Variants in KCNK16 observed in about 807,000 individuals in gnomAD.
KCNK16 encodes potassium two pore domain channel subfamily K member 16.
KCNK16 carries 23 observed loss-of-function variants against 23.0 expected under a neutral mutation model. The ratio of observed to expected loss-of-function variants is 1.00; its 90% CI spans 0.72 to 1.41. The LOEUF (loss-of-function observed/expected upper bound fraction) is 1.41, where lower values mean the gene tolerates loss of function less well. KCNK16 is among the 40% of genes most tolerant of loss of function. The pLI, the probability that KCNK16 is intolerant of heterozygous loss-of-function variation, is 0.00. For missense variants in KCNK16, 327 were observed against 365.8 expected (o/e 0.89, Z 0.87); for synonymous variants, 145 against 153.5 (o/e 0.94, Z 0.41).
At chr6:39,317,262 G>A (rs540601624) in intron 3 of KCNK16, among the ~76,000 whole-genome samples, 138 of 152,354 alleles carry the variant, frequency 9.1e-4, no homozygotes, top group Non-Finnish European at 1.4e-3. Context: ...AACTGTCTGC[G>A]TATTTCTGGC....
intron 1 of KCNK16, among the ~76,000 whole-genome samples, chr6:39,321,070 C>T (rs190169294): frequency 6.6e-6 from 1 of 152,290 alleles, no homozygotes; most frequent in Admixed American, 6.5e-5. Context: ...TCTTCTAGGC[C>T]AGCTGTTCTC....
intron 4 of KCNK16, 71 bp from the exon 5 acceptor site, chr6:39,316,513 C>T: frequency 6.7e-7 from 1 of 1,496,294 alleles, no homozygotes; most frequent in Non-Finnish European, 9.0e-7. Context: ...CCATAGGGAC[C>T]CTCACCAGCC....
intron 3 of KCNK16, 34 bp downstream of exon 3, chr6:39,317,752 C>T: frequency 1.3e-6 from 2 of 1,515,160 alleles, no homozygotes; most frequent in Non-Finnish European, 1.8e-6. Context: ...ACAGATCTGT[C>T]ACAGCAGGCC....
rs1246883062 is a variant in KCNK16, at chr6:39,319,737, G to A, written c.214-604C>T. On this transcript the variant is annotated intron_variant, in intron 1 of 4. Transcript: ENST00000437525. The surrounding 1 kb of genome is among the most constrained non-coding windows in gnomAD (Gnocchi z 4.2). The stretch of plus-strand genomic sequence containing the variant: ...TCTAACAGAGGCCAAGACAAAGGTG[G>A]CACGTGTGAGTGTGTGTGTGTGTGT... 7.3e-6 allele frequency among the ~76,000 whole-genome samples: 1 copy of A among 136,442 alleles called. No homozygotes were observed. The highest frequency in any genetic ancestry group is 2.9e-5 in the African/African-American group (1 of 34,744). 89.5% of individuals were successfully genotyped at this position (136,442 alleles called of 152,430 possible). A position where few individuals can be genotyped will look rare whatever the true frequency, so the allele number is the denominator to read the frequency against.
chr6:39,315,259 C>G, downstream of KCNK16: 1 of 1,601,248 alleles, frequency 6.2e-7, no homozygotes, highest in Non-Finnish European at 8.5e-7. Context: ...TGCAGTCTGG[C>G]AGGGGAAAGG....
chr6:39,322,632 A>C lies in KCNK16; in HGVS notation c.-92T>G. On this transcript the variant is annotated 5_prime_UTR_variant, in exon 1 of 5. Coordinates refer to ENST00000437525, the MANE Select transcript of KCNK16 (RefSeq NM_001135106.2). ...AGTAAGCACCTAGGGGCCTGTGCCCAGGCTGCCGCCTGCCCTGCCCTCCTC... is the reference window on the plus strand; with the variant it reads ...AGTAAGCACCTAGGGGCCTGTGCCCCGGCTGCCGCCTGCCCTGCCCTCCTC... The C allele has an allele frequency of 6.8e-7, 1 of 1,475,034 alleles. No individual in the cohort carries two copies. Among genetic ancestry groups the C allele is most frequent in the Non-Finnish European group, 9.0e-7 (1 of 1,116,316 alleles). 91.4% of individuals were successfully genotyped at this position (1,475,034 alleles called of 1,614,324 possible).
chr6:39,317,002 G>A, intron 3 of KCNK16, 55 bp from the exon 4 acceptor site: 2 of 1,550,984 alleles, frequency 1.3e-6, no homozygotes, highest in Non-Finnish European at 1.7e-6. Flanking sequence ...AGGATTGTAT[G>A]AGGTTGGGGG....
intron 1 of KCNK16, among the ~76,000 whole-genome samples, chr6:39,320,045 G>A (rs1762459764): frequency 6.6e-6 from 1 of 152,160 alleles, no homozygotes; most frequent in East Asian, 1.9e-4. Context: ...CAGCAGCACA[G>A]CCTTGCCACC....
chr6:39,320,121 C>T (rs1490399371), intron 1 of KCNK16, among the ~76,000 whole-genome samples: 1 of 152,180 alleles, frequency 6.6e-6, no homozygotes, highest in South Asian at 2.1e-4. Flanking sequence ...CCTATGGGAA[C>T]CAGTTCCCGC....
At chr6:39,318,267 T>C (rs1762399490) in intron 2 of KCNK16, among the ~76,000 whole-genome samples, 2 of 152,236 alleles carry the variant, frequency 1.3e-5, no homozygotes, top group African/African-American at 4.8e-5. Flanking sequence ...ATTACTTTTT[T>C]TTGTGTATTT....
chr6:39,321,868 G>A (rs1246216403), intron 1 of KCNK16, among the ~76,000 whole-genome samples: 3 of 152,206 alleles, frequency 2.0e-5, no homozygotes, highest in Non-Finnish European at 2.9e-5. Flanking sequence ...TCTCCCACCC[G>A]CAGCCGTCTG....
At position 39,317,849 on chromosome 6, in the gene KCNK16, G is replaced by A; in HGVS notation, c.432C>T (p.Gly144=). The change falls in exon 3 of 5, where the codon GGC becomes GGT. Residue 144 remains glycine (G), a synonymous_variant. Coordinates refer to ENST00000437525, the MANE Select transcript of KCNK16 (RefSeq NM_001135106.2). The part of the protein sequence containing the change: ...PLNVIFLNHL[G]TGLRAHLAAI... ...CGGCCAGATGGGCACGCAGCCCTGT[G>A]CCCAGGTGGTTGAGGAAGATCACGT... The A allele has an allele frequency of 6.2e-7, 1 of 1,613,568 alleles. No homozygotes were observed. Among genetic ancestry groups the A allele is most frequent in the Non-Finnish European group, 8.5e-7 (1 of 1,179,788 alleles).
In KCNK16 at chr6:39,316,193, G is replaced by T. The variant is rs1361655547; in HGVS notation, c.*26C>A. The T allele has an allele frequency of 6.7e-7, 1 of 1,497,442 alleles. No homozygotes were observed. The highest frequency in any genetic ancestry group is 1.3e-5 in the South Asian group (1 of 76,764). 92.8% of individuals were successfully genotyped at this position (1,497,442 alleles called of 1,614,324 possible). On this transcript the variant is annotated 3_prime_UTR_variant, in exon 5 of 5. Transcript: ENST00000437525. ...AGGGTGGGACTGGGGAGGATGAAAGGGGTTTCTGGGCCCCCCCCGGGGGCC... is the reference window on the plus strand; with the variant it reads ...AGGGTGGGACTGGGGAGGATGAAAGTGGTTTCTGGGCCCCCCCCGGGGGCC...
intron 3 of KCNK16, 133 bp from the exon 4 acceptor site, chr6:39,317,080 C>T (rs1762346331): frequency 4.6e-6 from 4 of 875,598 alleles, no homozygotes; most frequent in Admixed American, 5.6e-5. Context: ...TGCAGACCCT[C>T]GAGGTGGAGG....
intron 1 of KCNK16, among the ~76,000 whole-genome samples, chr6:39,320,957 T>G (rs1019931618): frequency 6.6e-6 from 1 of 152,156 alleles, no homozygotes; most frequent in African/African-American, 2.4e-5. Flanking sequence ...TTGACTAACC[T>G]TATCCATCAG....
chr6:39,319,567 A>G lies in KCNK16; in HGVS notation c.214-434T>C, dbSNP rs1041014302. Among the ~76,000 whole-genome samples, 1 of 152,138 alleles carries G rather than the reference A, an allele frequency of 6.6e-6. No individual in the cohort carries two copies. The highest frequency in any genetic ancestry group is 1.5e-5 in the Non-Finnish European group (1 of 68,018). On this transcript the variant is annotated intron_variant, in intron 1 of 4. Coordinates refer to ENST00000437525, the MANE Select transcript of KCNK16 (RefSeq NM_001135106.2). This position sits in a 1 kb window ranked among gnomAD's most constrained non-coding sequence, Gnocchi z 4.2. ...GGGATTGCTGGGGAACACAGGGTTT[A>G]GGGACCACAGGGAAGCCATGGGCTG... is the stretch of plus-strand genomic sequence containing the variant.
intron 1 of KCNK16, among the ~76,000 whole-genome samples, chr6:39,320,924 T>G (rs901020132): frequency 3.9e-5 from 6 of 152,210 alleles, no homozygotes; most frequent in Non-Finnish European, 8.8e-5. Context: ...TCAACCCTGA[T>G]GTGGTACTAT....
downstream of KCNK16, chr6:39,316,044 T>C: frequency 1.1e-6 from 1 of 939,782 alleles, no homozygotes; most frequent in African/African-American, 1.7e-5. Context: ...ACGTCTCCTC[T>C]CTGTTACTTT....
chr6:39,316,221 A>C lies in KCNK16; in HGVS notation c.883T>G (p.Ter295GlyextTer?). 1 of 1,534,398 alleles carries C rather than the reference A, an allele frequency of 6.5e-7. No homozygotes were observed. The highest frequency in any genetic ancestry group is 8.8e-7 in the Non-Finnish European group (1 of 1,140,430). The change falls in exon 5 of 5, where the codon TGA becomes GGA. Residue 295 changes from the stop codon to glycine (G), a stop_lost. Transcript: ENST00000437525. ...TTTCTGGGCCCCCCCCGGGGGCCTC[A>C]TGCAGAGATGGGGATCTTCTGAGGC... Reference protein sequence around the residue: ...PRPQKIPISA* With the variant: ...PRPQKIPISAG
Sources: gnomAD v4.1 joint callset for allele counts (sites outside exome capture counted in the v4.1 genomes callset) on GRCh38, gnomAD v4.1.1 for gene constraint, Gnocchi (gnomAD v3.1) non-coding constraint, MANE v1.5 for transcripts, NCBI Gene and HGNC (gene_info 2026-07-23, HGNC 2026-07-21) for gene names.